GRIP2: variants seen among roughly 807,000 people sequenced by gnomAD.
GRIP2 encodes the protein glutamate receptor interacting protein 2.
GRIP2 carries 58 observed loss-of-function variants against 108.3 expected under a neutral mutation model. The observed-to-expected ratio is 0.54, with a 90% CI of 0.43 to 0.67. The LOEUF (loss-of-function observed/expected upper bound fraction) is 0.67, where lower values mean the gene tolerates loss of function less well. Among genes scored for constraint, GRIP2 ranks in the 30% least tolerant of loss-of-function variants. GRIP2 has a pLI of 0.00. For synonymous variants in GRIP2, 586 were observed against 598.2 expected, an observed-to-expected ratio of 0.98 and a Z score of 0.30; for missense variants, 1,278 against 1,430.6, an observed-to-expected ratio of 0.89 and a Z score of 1.72.
At position 14,505,702 on chromosome 3, in the gene GRIP2, T is replaced by C. The variant is rs764032337; in HGVS notation, c.2486A>G (p.Glu829Gly). The stretch of plus-strand genomic sequence containing the variant: ...TGGGGTATAGCTCGTCCTCCGGGGC[T>C]CGGTGGGTGGGGGGCTGCCCCTCAG... ...GWLRGSPPPTEPRRTSYTPTP... is the reference protein window; with the variant it reads ...GWLRGSPPPTGPRRTSYTPTP... The change falls in exon 20 of 24, where the codon GAG becomes GGG. Residue 829 changes from glutamate (E) to glycine (G), a missense_variant. By Grantham distance (98) the Glu-to-Gly change is moderately conservative. Coordinates refer to ENST00000621039, the MANE Select transcript of GRIP2 (RefSeq NM_001080423.4). This position sits in a 1 kb window ranked among gnomAD's most constrained non-coding sequence, Gnocchi z 4.2. 1.3e-6 allele frequency: 2 copies of C among 1,596,582 alleles called. No homozygotes were observed. The highest frequency in any genetic ancestry group is 2.3e-5 in the South Asian group (2 of 88,510).
At chr3:14,580,017 CAGCCTCTCCTTTCAGCACAG>C in the GRIP2 span, among the ~76,000 whole-genome samples, 1 of 152,212 alleles carries the variant, frequency 6.6e-6, no homozygotes, top group Non-Finnish European at 1.5e-5. Context: ...CAGTGTATGG[CAGCCTCTCCTTTCAGCACAG>C]AGGCTGATGG....
the GRIP2 span, among the ~76,000 whole-genome samples, chr3:14,602,786 T>C: frequency 6.6e-6 from 1 of 151,480 alleles, no homozygotes; most frequent in African/African-American, 2.4e-5. The surrounding 1 kb of genome is among the most constrained non-coding windows in gnomAD (Gnocchi z 4.7). Flanking sequence ...GCGCCTCGGG[T>C]GCCGGCGCCT....
intron 2 of GRIP2, 80 bp downstream of exon 2, chr3:14,525,771 A>G: frequency 7.2e-7 from 1 of 1,398,498 alleles, no homozygotes; most frequent in Non-Finnish European, 9.9e-7. Context: ...TCAGTGGCAG[A>G]GCCGTTGCCA....
chr3:14,592,192 T>G, the GRIP2 span, among the ~76,000 whole-genome samples: 1 of 152,242 alleles, frequency 6.6e-6, no homozygotes, highest in Non-Finnish European at 1.5e-5. Flanking sequence ...GGCTGGGTCC[T>G]TGAGCTCAGC....
upstream of GRIP2, among the ~76,000 whole-genome samples, chr3:14,545,112 G>C (rs929249496): frequency 6.6e-6 from 1 of 152,256 alleles, no homozygotes; most frequent in Non-Finnish European, 1.5e-5. Context: ...TGGCAGCCGT[G>C]TGGACAGGCC....
intron 21 of GRIP2, among the ~76,000 whole-genome samples, chr3:14,498,140 G>T (rs1426024509): frequency 6.6e-6 from 1 of 152,180 alleles, no homozygotes; most frequent in Non-Finnish European, 1.5e-5. Context: ...GTCTTTTAGG[G>T]ATCCCCTAAG....
At chr3:14,567,213 T>A in the GRIP2 span, among the ~76,000 whole-genome samples, 45,833 of 151,980 alleles carry the variant, frequency 0.3, 7,295 homozygotes, top group Middle Eastern at 0.43. Context: ...CTAGGACTCA[T>A]ACCCAGGACT....
chr3:14,548,406 C>T (rs763208588), intron 1 of GRIP2, among the ~76,000 whole-genome samples: 1 of 152,142 alleles, frequency 6.6e-6, no homozygotes, highest in South Asian at 2.1e-4. Flanking sequence ...CAGGCCAAGC[C>T]GTCAGAAGCA....
In GRIP2 at chr3:14,505,118, G is replaced by A. The variant is rs1693881837; in HGVS notation, c.2573+497C>T. Among the ~76,000 whole-genome samples, 1 of 152,156 alleles carries A rather than the reference G, an allele frequency of 6.6e-6. No homozygotes were observed. The highest frequency in any genetic ancestry group is 2.1e-4 in the South Asian group (1 of 4,824). ...CCAGGGGAAAGGCATCGAGGCAGAA[G>A]GAACCGCCTGATCAAAAGCACCACG... On this transcript the variant is annotated intron_variant, in intron 20 of 23. Coordinates refer to ENST00000621039, the MANE Select transcript of GRIP2 (RefSeq NM_001080423.4). The surrounding 1 kb of genome is among the most constrained non-coding windows in gnomAD (Gnocchi z 4.2).
In GRIP2 at chr3:14,513,651, GGCCACTCACTCACCC is replaced by G. The variant is rs772715028; in HGVS notation, c.1638_1639+13del. On this transcript the variant is annotated splice_donor_variant and splice_donor_5th_base_variant and coding_sequence_variant and intron_variant, in exon 13 of 24. Coordinates refer to ENST00000621039, the MANE Select transcript of GRIP2 (RefSeq NM_001080423.4). LOFTEE classifies it high-confidence loss of function. The stretch of plus-strand genomic sequence containing the variant: ...CCCTGAAATATGAGGAGGAAGCTTG[GGCCACTCACTCACCC>G]GCCACATCGAACTCCACCTCCAGCA... 6.3e-7 allele frequency: 1 copy of G among 1,594,758 alleles called. No individual in the cohort carries two copies. Among genetic ancestry groups the G allele is most frequent in the South Asian group, 1.1e-5 (1 of 87,740 alleles).
intron 20 of GRIP2, 24 bp from the exon 21 acceptor site, chr3:14,503,695 G>T (rs566287696): frequency 7.8e-6 from 4 of 510,176 alleles, no homozygotes; most frequent in Non-Finnish European, 1.4e-5. Context: ...ACCAGAGAGC[G>T]TCAACTCCTG....
chr3:14,580,981 G>C, the GRIP2 span, among the ~76,000 whole-genome samples: 1 of 147,264 alleles, frequency 6.8e-6, no homozygotes. Context: ...GCCTGCCTGG[G>C]CTGCCCTGCA....
the GRIP2 span, among the ~76,000 whole-genome samples, chr3:14,598,775 C>T: frequency 6.6e-6 from 1 of 152,194 alleles, no homozygotes; most frequent in African/African-American, 2.4e-5. Context: ...CTCTATTCTT[C>T]TTTCTCTTCC....
In GRIP2 at chr3:14,505,781, T is replaced by C. The variant is rs536443338; in HGVS notation, c.2407A>G (p.Thr803Ala). The C allele has an allele frequency of 1.3e-6, 2 of 1,537,848 alleles. No individual in the cohort carries two copies. The highest frequency in any genetic ancestry group is 4.7e-5 in the East Asian group (2 of 42,672). Residue 803 changes from threonine to alanine, a missense_variant, in exon 20 of 24, where the codon ACA becomes GCA. By Grantham distance (58) the Thr-to-Ala change is moderately conservative (BLOSUM62 0). Transcript: ENST00000621039. This position sits in a 1 kb window ranked among gnomAD's most constrained non-coding sequence, Gnocchi z 4.2. ...GTGCCCCGGGCTGCTGCCTGTGGTG[T>C]ATAGGACCCTGGTGGTGGAGAGAGG... ...EGGFGGPGSYTPQAAARGTTP... is the reference protein window; with the variant it reads ...EGGFGGPGSYAPQAAARGTTP...
chr3:14,531,082 C>T (rs189462401), intron 1 of GRIP2: 5 of 152,244 alleles, frequency 3.3e-5, no homozygotes, highest in South Asian at 2.1e-4. Flanking sequence ...GCTGCCTAAG[C>T]GAGTACGTAT....
chr3:14,576,839 C>T, the GRIP2 span, among the ~76,000 whole-genome samples: 176 of 152,328 alleles, frequency 1.2e-3, 2 homozygotes, highest in Middle Eastern at 3.4e-3. Context: ...TAAGGAAGCC[C>T]TGTCCTGCAC....
the GRIP2 span, among the ~76,000 whole-genome samples, chr3:14,570,652 T>A: frequency 6.6e-6 from 1 of 152,244 alleles, no homozygotes; most frequent in East Asian, 1.9e-4. Flanking sequence ...GGTCTTTGTT[T>A]TTTAATTTCA....
intron 1 of GRIP2, among the ~76,000 whole-genome samples, chr3:14,533,855 G>C (rs865924110): frequency 6.6e-6 from 1 of 152,212 alleles, no homozygotes; most frequent in African/African-American, 2.4e-5. Context: ...GGTTCAGCCT[G>C]TGAGCCATCT....
intron 3 of GRIP2, 26 bp from the exon 4 acceptor site, chr3:14,524,564 A>G: frequency 6.5e-7 from 1 of 1,549,366 alleles, no homozygotes; most frequent in South Asian, 1.2e-5. Flanking sequence ...CAGGGCACAC[A>G]TGGTAACAGG....
Sources: gnomAD v4.1 joint callset for allele counts (sites outside exome capture counted in the v4.1 genomes callset) on GRCh38, gnomAD v4.1.1 for gene constraint, Gnocchi (gnomAD v3.1) non-coding constraint, MANE v1.5 for transcripts, NCBI Gene and HGNC (gene_info 2026-07-23, HGNC 2026-07-21) for gene names.